Variants in RPL5 observed in about 807,000 individuals in gnomAD.
RPL5 encodes the protein ribosomal protein L5.
RPL5 carries 1 observed loss-of-function variant against 38.4 expected under a neutral mutation model. The ratio of observed to expected loss-of-function variants is 0.03; its 90% CI spans 0.01 to 0.12. The LOEUF (loss-of-function observed/expected upper bound fraction) is 0.12, where lower values mean the gene tolerates loss of function less well. Among genes scored for constraint, RPL5 ranks in the 10% least tolerant of loss-of-function variants. The pLI is 1.00. For missense variants in RPL5, 243 were observed against 374.1 expected (o/e 0.65, Z 2.89); for synonymous variants, 109 against 121.2 (o/e 0.90, Z 0.66).
chr1:92,833,789 C>T, intron 3 of RPL5, 129 bp downstream of exon 3: 1 of 748,110 alleles, frequency 1.3e-6, no homozygotes, highest in Non-Finnish European at 2.3e-6. Context: ...ATAATTTTTC[C>T]TTTTAGTAGG....
intron 6 of RPL5, among the ~76,000 whole-genome samples, chr1:92,838,129 C>G (rs561974343): frequency 5.3e-5 from 8 of 152,260 alleles, no homozygotes; most frequent in African/African-American, 1.9e-4. Context: ...GACCCAGGTT[C>G]TTTTTCGTTA....
At chr1:92,833,246 G>A in intron 1 of RPL5, 143 bp from the exon 2 acceptor site, 1 of 706,118 alleles carries the variant, frequency 1.4e-6, no homozygotes, top group Non-Finnish European at 2.5e-6. Context: ...GACCCTAGTT[G>A]CTTGTGAAAC....
chr1:92,841,499 A>G (rs1181125894), intron 7 of RPL5, among the ~76,000 whole-genome samples: 1 of 152,194 alleles, frequency 6.6e-6, no homozygotes, highest in African/African-American at 2.4e-5. Flanking sequence ...ACATTTGGGC[A>G]AATACCTAGA....
chr1:92,840,292 A>G (rs1265699778), intron 6 of RPL5: 3 of 422,488 alleles, frequency 7.1e-6, no homozygotes, highest in African/African-American at 6.1e-5. Context: ...GATTACAGGC[A>G]TGAACCACCA....
In RPL5 at chr1:92,840,435, T is replaced by C. The variant is rs556055789; in HGVS notation, c.706-116T>C. On this transcript the variant is annotated intron_variant, in intron 6 of 7. Transcript: ENST00000370321. ...AAGTTAAAGTGTTTACCAACATTGA[T>C]TTAGTTTAGTTCCTTTTGAGAATCT... is the stretch of plus-strand genomic sequence containing the variant. 18 of 777,744 alleles carry C rather than the reference T, an allele frequency of 2.3e-5. 1 individual carries two copies. In the South Asian group the frequency reaches 2.5e-4, roughly 11 times the overall value. 48.2% of individuals were successfully genotyped at this position (777,744 alleles called of 1,614,324 possible).
chr1:92,837,026 A>ATG, intron 5 of RPL5: 1 of 276,312 alleles, frequency 3.6e-6, no homozygotes, highest in Non-Finnish European at 7.1e-6. Context: ...TGCTTTTATG[A>ATG]TGTGGAGGTG....
In RPL5 at chr1:92,832,066, G is replaced by A. The variant is rs772537960; in HGVS notation, c.-49G>A. ...CTTTTCCCACCCCCTAGCGCCGCTGGGCCTGCAGGTCTCTGTCGAGCAGCG... is the reference window on the plus strand; with the variant it reads ...CTTTTCCCACCCCCTAGCGCCGCTGAGCCTGCAGGTCTCTGTCGAGCAGCG... On this transcript the variant is annotated 5_prime_UTR_variant, in exon 1 of 8. Transcript: ENST00000370321. 2 of 1,613,208 alleles carry A rather than the reference G, an allele frequency of 1.2e-6. No homozygotes were observed. Among genetic ancestry groups the A allele is most frequent in the South Asian group, 1.1e-5 (1 of 90,918 alleles).
In RPL5 at chr1:92,837,522, C is replaced by T. The variant is rs1687176453; in HGVS notation, c.594C>T (p.His198=). The T allele has an allele frequency of 1.9e-6, 3 of 1,612,276 alleles. No homozygotes were observed. In the South Asian group the frequency reaches 3.3e-5, roughly 18 times the overall value. ...KEFNAEVHRK[H]IMGQNVADYM... Reference sequence around the variant, plus strand: ...TTAATGCAGAAGTACATCGGAAGCACATCATGGGCCAGAATGTTGCAGATT... The same window carrying T: ...TTAATGCAGAAGTACATCGGAAGCATATCATGGGCCAGAATGTTGCAGATT... The change falls in exon 6 of 8, where the codon CAC becomes CAT. Residue 198 remains histidine, a synonymous_variant. Transcript: ENST00000370321.
At position 92,837,368 on chromosome 1, in the gene RPL5, C is replaced by T. The variant is rs367590103; in HGVS notation, c.528-88C>T. On this transcript the variant is annotated intron_variant, in intron 5 of 7. Transcript: ENST00000370321. The stretch of plus-strand genomic sequence containing the variant: ...ATATGATGCGATAATTGTTTCAAGA[C>T]GGGACTGATGGCAGCTACTAAAGTA... 4.9e-5 allele frequency: 55 copies of T among 1,118,198 alleles called. No individual in the cohort carries two copies. In the African/African-American group the frequency reaches 5.0e-4, roughly 10 times the overall value. 69.3% of individuals were successfully genotyped at this position (1,118,198 alleles called of 1,614,324 possible).
intron 6 of RPL5, among the ~76,000 whole-genome samples, chr1:92,839,140 C>T (rs978665691): frequency 6.6e-6 from 1 of 150,854 alleles, no homozygotes; most frequent in Non-Finnish European, 1.5e-5. Flanking sequence ...GGGCAGATCA[C>T]CTGATGTCAG....
chr1:92,832,276 A>G, intron 1 of RPL5, 159 bp downstream of exon 1: 1 of 1,181,058 alleles, frequency 8.5e-7, no homozygotes, highest in East Asian at 2.6e-5. Context: ...GTGGCCTTAA[A>G]TGGCTGCCGC....
At chr1:92,836,117 A>T in intron 4 of RPL5, 73 bp from the exon 5 acceptor site, 1 of 1,386,208 alleles carries the variant, frequency 7.2e-7, no homozygotes, top group Non-Finnish European at 1.0e-6. Context: ...CCTTACGGTT[A>T]TGACATAAGC....
rs768165305 is a variant in RPL5 at position 92,834,943 on chromosome 1, G to A, written c.324+30G>A. On this transcript the variant is annotated intron_variant, in intron 4 of 7. Transcript: ENST00000370321. ...GTACAAGATGATTTTAATTGATGTA[G>A]TTTGTGGCTGATTGCTTGGAGAGTT... The A allele has an allele frequency of 1.9e-6, 3 of 1,599,820 alleles. No homozygotes were observed. In the African/African-American group the frequency reaches 4.0e-5, roughly 21 times the overall value.
At chr1:92,839,685 A>G (rs1304700980) in intron 6 of RPL5, among the ~76,000 whole-genome samples, 1 of 152,208 alleles carries the variant, frequency 6.6e-6, no homozygotes, top group Non-Finnish European at 1.5e-5. Context: ...ATATCTTAAT[A>G]CTTTTGGCAC....
At chr1:92,832,331 G>A in intron 1 of RPL5, 1 of 725,904 alleles carries the variant, frequency 1.4e-6, no homozygotes, top group Non-Finnish European at 2.4e-6. Flanking sequence ...GAAGGGTTGC[G>A]TGAGCTTGGA....
chr1:92,835,660 C>CA (rs11417383), intron 4 of RPL5, among the ~76,000 whole-genome samples: 98,791 of 123,318 alleles, frequency 0.8, 39,608 homozygotes, highest in South Asian at 0.9. Flanking sequence ...AACTGTGTCT[C>CA]AAAAAAAAAA....
intron 5 of RPL5, 58 bp from the exon 6 acceptor site, chr1:92,837,395 ATTC>A (rs1557441722): frequency 2.1e-6 from 3 of 1,441,872 alleles, no homozygotes; most frequent in Non-Finnish European, 2.9e-6. Context: ...ACTAAAGTAA[ATTC>A]TTACTAGTAA....
intron 1 of RPL5, among the ~76,000 whole-genome samples, chr1:92,832,520 C>T (rs1254176930): frequency 6.6e-6 from 1 of 152,200 alleles, no homozygotes; most frequent in Non-Finnish European, 1.5e-5. Flanking sequence ...ACTCGACCTC[C>T]GAGTACCGAG....
intron 3 of RPL5, 133 bp downstream of exon 3, chr1:92,833,793 T>C (rs1328090190): frequency 4.2e-6 from 3 of 722,218 alleles, no homozygotes; most frequent in African/African-American, 3.6e-5. Context: ...TTTTTCCTTT[T>C]AGTAGGTCTA....
Sources: gnomAD v4.1 joint callset for allele counts (sites outside exome capture counted in the v4.1 genomes callset) on GRCh38, gnomAD v4.1.1 for gene constraint, MANE v1.5 for transcripts, NCBI Gene and HGNC (gene_info 2026-07-23, HGNC 2026-07-21) for gene names.